The following GPR158 variants were observed in gnomAD, a reference collection of about 807,000 sequenced individuals.
GPR158 encodes the protein metabotropic glycine receptor.
GPR158 carries 30 observed loss-of-function variants against 78.2 expected under a neutral mutation model. The observed-to-expected ratio is 0.38, with a 90% CI of 0.29 to 0.52. The LOEUF is 0.52. Among genes scored for constraint, GPR158 ranks in the 20% least tolerant of loss-of-function variants. GPR158 has a pLI of 0.83. For synonymous variants in GPR158, 581 were observed against 591.1 expected (o/e 0.98, Z 0.25); for missense variants, 1,463 against 1,523.5 (o/e 0.96, Z 0.66).
chr10:25,368,355 A>G (rs935085167), intron 2 of GPR158, among the ~76,000 whole-genome samples: 21 of 151,982 alleles, frequency 1.4e-4, no homozygotes, highest in Admixed American at 1.3e-3. Context: ...TTTGACAAAG[A>G]TCTTATATCT....
chr10:25,291,202 G>GAAA (rs1425329914), intron 2 of GPR158, among the ~76,000 whole-genome samples: 1 of 151,614 alleles, frequency 6.6e-6, no homozygotes, highest in Non-Finnish European at 1.5e-5. Flanking sequence ...AAACCAATAG[G>GAAA]AAAAGAAAGA....
chr10:25,357,593 C>A (rs1421609185), intron 2 of GPR158, among the ~76,000 whole-genome samples: 2 of 152,086 alleles, frequency 1.3e-5, no homozygotes, highest in East Asian at 3.9e-4. Flanking sequence ...AGCCCCAAGC[C>A]TTGGCAGTTT....
chr10:25,227,272 A>G (rs1853386824), intron 2 of GPR158, among the ~76,000 whole-genome samples: 1 of 152,230 alleles, frequency 6.6e-6, no homozygotes, highest in Non-Finnish European at 1.5e-5. Context: ...ACCAGTGGCT[A>G]TCGCCATCTT....
intron 2 of GPR158, among the ~76,000 whole-genome samples, chr10:25,305,639 G>C (rs1323315575): frequency 6.6e-6 from 1 of 152,158 alleles, no homozygotes; most frequent in South Asian, 2.1e-4. Flanking sequence ...TCCTCTGGCA[G>C]TCGAGGACTG....
chr10:25,460,527 C>A (rs1835345708), intron 4 of GPR158, among the ~76,000 whole-genome samples: 1 of 152,140 alleles, frequency 6.6e-6, no homozygotes, highest in Non-Finnish European at 1.5e-5. Flanking sequence ...GTTGAGTTGA[C>A]ACGAAGGTTT....
At chr10:25,516,970 C>T (rs1007392638) in intron 5 of GPR158, among the ~76,000 whole-genome samples, 1 of 149,248 alleles carries the variant, frequency 6.7e-6, no homozygotes, top group African/African-American at 2.6e-5. Flanking sequence ...GCAGTATGGC[C>T]ATTTTCACGA....
Position 25,599,504 on chromosome 10 carries a change from A to C in GPR158, c.*230A>C. ...GTCCTTCCCTTGGTAACACTAGGAA[A>C]ATCTTTCCATTTCAGCATGTTTAAG... On this transcript the variant is annotated 3_prime_UTR_variant, in exon 11 of 11. Transcript: ENST00000376351. 1.9e-6 allele frequency: 1 copy of C among 513,500 alleles called. No homozygotes were observed. Among genetic ancestry groups the C allele is most frequent in the Non-Finnish European group, 3.5e-6 (1 of 289,176 alleles). 31.8% of individuals were successfully genotyped at this position (513,500 alleles called of 1,614,324 possible). A position where few individuals can be genotyped will look rare whatever the true frequency, so the allele number is the denominator to read the frequency against.
chr10:25,390,058 T>C lies in GPR158; in HGVS notation c.1009-5853T>C, dbSNP rs115825172. ...TCGCATGCTCTCTTGTCTGCCACCA[T>C]GTAAGACATGCTTTGGCTCCTCTTT... On this transcript the variant is annotated intron_variant, in intron 2 of 10. Transcript: ENST00000376351. Among the ~76,000 whole-genome samples the C allele has an allele frequency of 5.7e-3, 862 of 152,308 alleles. 8 individuals are homozygous for C. Among genetic ancestry groups the C allele is most frequent in the African/African-American group, 0.019 (777 of 41,560 alleles).
intron 5 of GPR158, among the ~76,000 whole-genome samples, chr10:25,525,455 AAGT>A (rs1165593760): frequency 1.3e-5 from 2 of 152,214 alleles, no homozygotes; most frequent in African/African-American, 2.4e-5. Context: ...AAAAGGAAAG[AAGT>A]AGTGATACAT....
At chr10:25,377,014 T>C (rs1834089664) in intron 2 of GPR158, among the ~76,000 whole-genome samples, 1 of 151,796 alleles carries the variant, frequency 6.6e-6, no homozygotes, top group Admixed American at 6.6e-5. Context: ...GTGTAGGTGT[T>C]ATTTTCTTTG....
intron 5 of GPR158, among the ~76,000 whole-genome samples, chr10:25,534,268 T>C (rs1006063239): frequency 1.3e-5 from 2 of 152,154 alleles, no homozygotes; most frequent in African/African-American, 4.8e-5. Flanking sequence ...GACATAAACA[T>C]GTTCAATCTG....
At chr10:25,281,128 T>A in intron 2 of GPR158, among the ~76,000 whole-genome samples, 1 of 129,448 alleles carries the variant, frequency 7.7e-6, no homozygotes, top group African/African-American at 3.0e-5. Context: ...AGAGTGAAAC[T>A]CTATCTCAAA....
At chr10:25,388,907 C>T (rs1029004680) in intron 2 of GPR158, among the ~76,000 whole-genome samples, 12 of 152,218 alleles carry the variant, frequency 7.9e-5, no homozygotes, top group Non-Finnish European at 1.6e-4. Flanking sequence ...AGGCTGAGCC[C>T]AGGTGCTGTT....
At chr10:25,554,024 G>C (rs139910284) in intron 6 of GPR158, among the ~76,000 whole-genome samples, 1 of 152,104 alleles carries the variant, frequency 6.6e-6, no homozygotes, top group African/African-American at 2.4e-5. Context: ...AATGGATTTC[G>C]CTGAACAGAA....
intron 2 of GPR158, among the ~76,000 whole-genome samples, chr10:25,241,299 C>CTT (rs1169813426): frequency 3.0e-5 from 3 of 100,582 alleles, no homozygotes; most frequent in African/African-American, 9.0e-5. Flanking sequence ...CTTTTCTTTT[C>CTT]TTTTCTTTTC....
In GPR158 at chr10:25,258,029, A is replaced by G. The variant is rs1476914936; in HGVS notation, c.1008+36872A>G. ...GGCTTTACCAGTTGATTCCAAGGCT[A>G]TACACTGAAGAAATAAAAATAATCC... On this transcript the variant is annotated intron_variant, in intron 2 of 10. Transcript: ENST00000376351. Among the ~76,000 whole-genome samples the G allele has an allele frequency of 4.6e-5, 7 of 152,338 alleles. No homozygotes were observed. The South Asian group carries it at 1.5e-3, about 32-fold the overall frequency.
chr10:25,516,657 G>A (rs1161243981), intron 5 of GPR158, among the ~76,000 whole-genome samples: 1 of 115,618 alleles, frequency 8.6e-6, no homozygotes, highest in African/African-American at 3.7e-5. Flanking sequence ...TTTTTCTCAG[G>A]TTTGTCAAAG....
At chr10:25,345,737 G>A (rs1376269885) in intron 2 of GPR158, among the ~76,000 whole-genome samples, 1 of 151,892 alleles carries the variant, frequency 6.6e-6, no homozygotes, top group Non-Finnish European at 1.5e-5. Flanking sequence ...TATGGACGAT[G>A]TCTTAATAAG....
intron 2 of GPR158, among the ~76,000 whole-genome samples, chr10:25,340,326 A>G (rs1434110218): frequency 6.6e-6 from 1 of 152,094 alleles, no homozygotes; most frequent in Non-Finnish European, 1.5e-5. Flanking sequence ...AATGACCAGA[A>G]GTGGGGGTTC....
Sources: allele counts gnomAD v4.1 joint callset (sites outside exome capture counted in the v4.1 genomes callset), GRCh38; gene constraint gnomAD v4.1.1; transcripts MANE v1.5; gene names NCBI Gene and HGNC (gene_info 2026-07-23, HGNC 2026-07-21).